PTPRD: variants seen among roughly 807,000 people sequenced by gnomAD.
The protein encoded by PTPRD is receptor-type tyrosine-protein phosphatase delta.
PTPRD carries 34 observed loss-of-function variants against 214.5 expected under a neutral mutation model. The ratio of observed to expected loss-of-function variants is 0.16; its 90% CI spans 0.12 to 0.21. PTPRD has a LOEUF of 0.21. Ranked by LOEUF, PTPRD falls within the 10% of genes least tolerant of loss-of-function variation. The probability of loss-of-function intolerance (pLI) is 1.00; values close to 1 mark genes in which losing one functional copy is unlikely to be tolerated. For synonymous variants in PTPRD, 1,128 were observed against 845.7 expected (o/e 1.33, Z -5.79); for missense variants, 2,545 against 2,398.7 (o/e 1.06, Z -1.27).
chr9:8,963,675 A>G lies in PTPRD; in HGVS notation c.-104+55022T>C, dbSNP rs192220044. On this transcript the variant is annotated intron_variant, in intron 11 of 45. Transcript: ENST00000381196. ...TGCACTGTTGCCCAGTCTGAAGTTCAGTGGTGCCAACATGGCTTGCTGCAG... is the reference window on the plus strand; with the variant it reads ...TGCACTGTTGCCCAGTCTGAAGTTCGGTGGTGCCAACATGGCTTGCTGCAG... 3.9e-5 allele frequency among the ~76,000 whole-genome samples: 6 copies of G among 152,128 alleles called. No homozygotes were observed. The East Asian group carries it at 1.2e-3, about 29-fold the overall frequency.
chr9:8,483,007 C>G (rs1010787208), intron 30 of PTPRD, among the ~76,000 whole-genome samples: 1 of 152,248 alleles, frequency 6.6e-6, no homozygotes, highest in African/African-American at 2.4e-5. Flanking sequence ...CTGTATCTCT[C>G]TCACTCTATG....
chr9:9,208,925 A>G (rs2099946721), intron 9 of PTPRD, among the ~76,000 whole-genome samples: 1 of 151,856 alleles, frequency 6.6e-6, no homozygotes, highest in Admixed American at 6.6e-5. Context: ...CTCTTGCCTC[A>G]GCCTCCCGAG....
Position 9,682,189 on chromosome 9 carries a change from C to T in PTPRD, c.-287+52344G>A, listed in dbSNP as rs148069841. 4.9e-4 allele frequency among the ~76,000 whole-genome samples: 75 copies of T among 151,822 alleles called. No homozygotes were observed. The East Asian group carries it at 0.014, about 29-fold the overall frequency. On this transcript the variant is annotated intron_variant, in intron 7 of 45. Coordinates refer to ENST00000381196, the MANE Select transcript of PTPRD (RefSeq NM_002839.4). ...CAGATTGCTAGCATATCCCCCTCCTCGAAGTCTGCACTAGCTTGAAGCAAC... is the reference window on the plus strand; with the variant it reads ...CAGATTGCTAGCATATCCCCCTCCTTGAAGTCTGCACTAGCTTGAAGCAAC...
At chr9:8,550,908 C>A (rs549875225) in intron 14 of PTPRD, among the ~76,000 whole-genome samples, 2 of 152,176 alleles carry the variant, frequency 1.3e-5, no homozygotes, top group Non-Finnish European at 2.9e-5. Context: ...ATTCTCTCCA[C>A]GGGCCTGTCT....
chr9:9,950,383 T>A (rs1356207353), intron 4 of PTPRD, among the ~76,000 whole-genome samples: 1 of 152,286 alleles, frequency 6.6e-6, no homozygotes, highest in East Asian at 1.9e-4. Context: ...TTCTCACTTT[T>A]CTTTATTTGG....
chr9:9,504,959 T>C (rs1052030396), intron 8 of PTPRD, among the ~76,000 whole-genome samples: 2 of 151,798 alleles, frequency 1.3e-5, no homozygotes, highest in Non-Finnish European at 3.0e-5. Context: ...GCATCATTCT[T>C]GGGCAATCCA....
chr9:10,490,735 A>G (rs1414357367), intron 2 of PTPRD, among the ~76,000 whole-genome samples: 4 of 152,122 alleles, frequency 2.6e-5, no homozygotes, highest in East Asian at 1.9e-4. Flanking sequence ...GGCTTTACCT[A>G]TTACTTCCAT....
chr9:8,331,846 A>AGAAAAAGTTAG (rs1489493179), intron 43 of PTPRD, 110 bp from the exon 44 acceptor site: 1 of 1,305,934 alleles, frequency 7.7e-7, no homozygotes, highest in African/African-American at 1.5e-5. Context: ...CAAAAAGGGT[A>AGAAAAAGTTAG]GAAAAAGTTA....
At chr9:10,590,402 T>C (rs916285882) in intron 2 of PTPRD, among the ~76,000 whole-genome samples, 3 of 152,028 alleles carry the variant, frequency 2.0e-5, no homozygotes, top group African/African-American at 7.2e-5. Flanking sequence ...CCCAGGTAAT[T>C]ACTACGCCAA....
chr9:9,723,031 C>T lies in PTPRD; in HGVS notation c.-287+11502G>A, dbSNP rs1423349664. Among the ~76,000 whole-genome samples, 3 of 152,026 alleles carry T rather than the reference C, an allele frequency of 2.0e-5. No individual in the cohort carries two copies. The South Asian group carries it at 6.2e-4, about 31-fold the overall frequency. On this transcript the variant is annotated intron_variant, in intron 7 of 45. Transcript: ENST00000381196. ...ATGGCATTATTTAAAGCACAGAAGACTTTAAGTTCAATGAAATTCAATTTA... is the reference window on the plus strand; with the variant it reads ...ATGGCATTATTTAAAGCACAGAAGATTTTAAGTTCAATGAAATTCAATTTA...
rs546599011 is a variant in PTPRD at position 9,141,252 on chromosome 9, T to C, written c.-143+42052A>G. Among the ~76,000 whole-genome samples the C allele has an allele frequency of 5.6e-4, 75 of 134,740 alleles. 1 individual carries two copies. The highest frequency in any genetic ancestry group is 2.0e-3 in the African/African-American group (71 of 35,460). The allele number at this position is 134,740 out of a possible 152,430, so 88.4% of individuals were successfully genotyped here. ...CTCCTCCCCCCGTCTTCCTCTCCCC[T>C]CAGGGGAAGACTATTCCCCTGAGGC... On this transcript the variant is annotated intron_variant, in intron 10 of 45. Transcript: ENST00000381196.
At chr9:9,013,297 T>C (rs545237154) in intron 11 of PTPRD, among the ~76,000 whole-genome samples, 55 of 152,068 alleles carry the variant, frequency 3.6e-4, no homozygotes, top group African/African-American at 1.3e-3. Flanking sequence ...ACTCTCAAGG[T>C]GATGGGCAAA....
chr9:10,331,124 A>G (rs746027356), intron 3 of PTPRD, among the ~76,000 whole-genome samples: 3 of 151,790 alleles, frequency 2.0e-5, no homozygotes, highest in Non-Finnish European at 2.9e-5. Flanking sequence ...AACTCTCACA[A>G]TTCCATAAGA....
intron 11 of PTPRD, among the ~76,000 whole-genome samples, chr9:8,868,250 A>C (rs1257106236): frequency 1.3e-5 from 2 of 152,172 alleles, no homozygotes; most frequent in East Asian, 3.8e-4. Context: ...CCTAGGCTGG[A>C]GTAGAGTGGC....
At chr9:10,231,283 TA>T (rs2099608640) in intron 3 of PTPRD, among the ~76,000 whole-genome samples, 1 of 150,322 alleles carries the variant, frequency 6.7e-6, no homozygotes, top group Non-Finnish European at 1.5e-5. Context: ...ACAAAACTGA[TA>T]GCACATGGAA....
rs1162698970 is a variant in PTPRD, at chr9:10,090,919, TACACACAC to T, written c.-544-57137_-544-57130del. The stretch of plus-strand genomic sequence containing the variant: ...GACATTTGTGTATATAAATGAAATA[TACACACAC>T]ACACACACACACACACACACACACA... On this transcript the variant is annotated intron_variant, in intron 3 of 45. Transcript: ENST00000381196. Among the ~76,000 whole-genome samples, 276 of 99,672 alleles carry T rather than the reference TACACACAC, an allele frequency of 2.8e-3. 1 individual carries two copies. The highest frequency in any genetic ancestry group is 9.1e-3 in the African/African-American group (250 of 27,382). 65.4% of individuals were successfully genotyped at this position (99,672 alleles called of 152,430 possible).
rs939344615 is a variant in PTPRD at position 8,918,760 on chromosome 9, T to C, written c.-104+99937A>G. ...TTCAGATATTTCTATTCGGATACTT[T>C]AAAGGAATCACCCAAAGGCTAGTTT... On this transcript the variant is annotated intron_variant, in intron 11 of 45. Coordinates refer to ENST00000381196, the MANE Select transcript of PTPRD (RefSeq NM_002839.4). 7.2e-5 allele frequency among the ~76,000 whole-genome samples: 11 copies of C among 152,204 alleles called. 1 individual carries two copies. Among genetic ancestry groups the C allele is most frequent in the Admixed American group, 1.3e-4 (2 of 15,278 alleles).
At chr9:10,593,168 T>C (rs1041637827) in intron 2 of PTPRD, among the ~76,000 whole-genome samples, 2 of 151,986 alleles carry the variant, frequency 1.3e-5, no homozygotes, top group Non-Finnish European at 1.5e-5. Flanking sequence ...CATAGAGTTG[T>C]ATCCTAAAGC....
At chr9:10,006,503 T>G (rs2096480199) in intron 4 of PTPRD, among the ~76,000 whole-genome samples, 2 of 152,002 alleles carry the variant, frequency 1.3e-5, no homozygotes, top group Admixed American at 1.3e-4. Context: ...TAAGCTATAT[T>G]TGGATCATAT....
Sources: gnomAD v4.1 joint callset for allele counts (sites outside exome capture counted in the v4.1 genomes callset) on GRCh38, gnomAD v4.1.1 for gene constraint, MANE v1.5 for transcripts, NCBI Gene and HGNC (gene_info 2026-07-23, HGNC 2026-07-21) for gene names.